Variants in RBFOX1 observed in about 807,000 individuals in gnomAD.
RBFOX1 encodes RNA binding protein fox-1 homolog 1.
A neutral mutation model predicts 57.7 loss-of-function variants in RBFOX1; 8 were observed. That is an observed-to-expected ratio of 0.14 (90% CI 0.08 to 0.25). The LOEUF (loss-of-function observed/expected upper bound fraction) is 0.25, where lower values mean the gene tolerates loss of function less well. Among genes scored for constraint, RBFOX1 ranks in the 10% least tolerant of loss-of-function variants. RBFOX1 has a pLI of 1.00. For missense variants in RBFOX1, 611 were observed against 548.5 expected, an observed-to-expected ratio of 1.11 and a Z score of -1.14; for synonymous variants, 326 against 222.4, an observed-to-expected ratio of 1.47 and a Z score of -4.15.
chr16:7,704,863 C>A (rs751463219), intron 14 of RBFOX1, among the ~76,000 whole-genome samples: 2 of 151,056 alleles, frequency 1.3e-5, no homozygotes, highest in Admixed American at 6.6e-5. Context: ...CCAGCCTGGG[C>A]AACATGGTGA....
chr16:6,992,702 C>T (rs1193687963), intron 3 of RBFOX1, among the ~76,000 whole-genome samples: 1 of 152,062 alleles, frequency 6.6e-6, no homozygotes, highest in Non-Finnish European at 1.5e-5. Context: ...CAGAAACCAG[C>T]TAATGATTTT....
intron 3 of RBFOX1, among the ~76,000 whole-genome samples, chr16:5,770,450 C>T (rs913498150): frequency 3.9e-5 from 6 of 152,068 alleles, no homozygotes; most frequent in Admixed American, 1.3e-4. Flanking sequence ...AGGAAGCTCC[C>T]CACCCCTTTT....
intron 3 of RBFOX1, among the ~76,000 whole-genome samples, chr16:5,679,773 G>C (rs1010304873): frequency 1.3e-5 from 2 of 152,174 alleles, no homozygotes; most frequent in Non-Finnish European, 2.9e-5. Flanking sequence ...TCTACCACAC[G>C]TTTTCTGGGT....
At chr16:5,323,384 G>A (rs1363908051) in intron 1 of RBFOX1, among the ~76,000 whole-genome samples, 3 of 152,170 alleles carry the variant, frequency 2.0e-5, no homozygotes, top group East Asian at 1.9e-4. Context: ...CATGACCCAT[G>A]AATGGGTCGT....
intron 4 of RBFOX1, among the ~76,000 whole-genome samples, chr16:5,973,553 T>C (rs906561031): frequency 6.6e-6 from 1 of 152,182 alleles, no homozygotes; most frequent in African/African-American, 2.4e-5. Flanking sequence ...TTTATTACTT[T>C]TGTTATTGTT....
chr16:7,363,224 C>G (rs911454597), intron 4 of RBFOX1, among the ~76,000 whole-genome samples: 6 of 152,124 alleles, frequency 3.9e-5, no homozygotes, highest in African/African-American at 1.2e-4. Flanking sequence ...TTCCTGGGGT[C>G]TGGGTTCTTT....
intron 3 of RBFOX1, among the ~76,000 whole-genome samples, chr16:5,825,263 A>G (rs777583556): frequency 2.6e-5 from 4 of 152,234 alleles, no homozygotes; most frequent in Non-Finnish European, 5.9e-5. Flanking sequence ...GGAAGGAATG[A>G]GCAGTACCAG....
At chr16:7,321,610 G>C (rs1218216037) in intron 4 of RBFOX1, among the ~76,000 whole-genome samples, 1 of 152,202 alleles carries the variant, frequency 6.6e-6, no homozygotes, top group Non-Finnish European at 1.5e-5. Flanking sequence ...TATGAAGATA[G>C]TCATAGGATT....
chr16:6,249,997 C>T (rs1004814548), intron 1 of RBFOX1, among the ~76,000 whole-genome samples: 10 of 151,946 alleles, frequency 6.6e-5, no homozygotes, highest in East Asian at 1.9e-4. Flanking sequence ...CTTGTAGGTG[C>T]GGTAGAAAGG....
intron 4 of RBFOX1, among the ~76,000 whole-genome samples, chr16:7,070,369 C>G (rs549305026): frequency 6.6e-6 from 1 of 152,304 alleles, no homozygotes; most frequent in Non-Finnish European, 1.5e-5. Flanking sequence ...GAAAACTTGT[C>G]TGCCTCAGAT....
At chr16:7,325,056 G>T (rs961946539) in intron 4 of RBFOX1, among the ~76,000 whole-genome samples, 1 of 152,190 alleles carries the variant, frequency 6.6e-6, no homozygotes, top group African/African-American at 2.4e-5. Flanking sequence ...GCATTTGTTA[G>T]CACGCTTTCA....
chr16:5,507,437 A>T (rs1483486844), intron 2 of RBFOX1, among the ~76,000 whole-genome samples: 1 of 152,026 alleles, frequency 6.6e-6, no homozygotes, highest in East Asian at 1.9e-4. Context: ...TGGTGCATGA[A>T]TGGGGGTTGG....
chr16:7,500,776 T>C (rs1274463605), intron 4 of RBFOX1, among the ~76,000 whole-genome samples: 5 of 152,194 alleles, frequency 3.3e-5, no homozygotes, highest in Non-Finnish European at 5.9e-5. Flanking sequence ...ACCTATCCCA[T>C]GATATGGTTT....
intron 4 of RBFOX1, among the ~76,000 whole-genome samples, chr16:7,361,788 T>C (rs980042373): frequency 1.3e-5 from 2 of 152,022 alleles, no homozygotes; most frequent in African/African-American, 4.8e-5. Context: ...GTGTGTATGT[T>C]TGTGTGTATG....
intron 3 of RBFOX1, among the ~76,000 whole-genome samples, chr16:6,909,236 G>T (rs1208737548): frequency 6.6e-6 from 1 of 152,124 alleles, no homozygotes; most frequent in East Asian, 1.9e-4. Context: ...CAGATTACAT[G>T]GCTCATGGCC....
intron 3 of RBFOX1, among the ~76,000 whole-genome samples, chr16:6,762,776 G>C (rs2076801979): frequency 1.3e-5 from 2 of 152,112 alleles, no homozygotes; most frequent in Non-Finnish European, 2.9e-5. Flanking sequence ...ATAGGGGGTA[G>C]TCAGGAAGAC....
chr16:6,267,074 A>G (rs550870936), intron 1 of RBFOX1, among the ~76,000 whole-genome samples: 1 of 152,304 alleles, frequency 6.6e-6, no homozygotes, highest in African/African-American at 2.4e-5. Context: ...CTATGGAAAC[A>G]TGGTGGTGTT....
chr16:5,252,510 G>A (rs1189934109), intron 1 of RBFOX1, among the ~76,000 whole-genome samples: 1 of 152,202 alleles, frequency 6.6e-6, no homozygotes, highest in Non-Finnish European at 1.5e-5. Flanking sequence ...CTCTCCAGGT[G>A]TCTGTAGGTG....
chr16:6,696,054 ATTG>A (rs939279284), intron 3 of RBFOX1, among the ~76,000 whole-genome samples: 5 of 152,236 alleles, frequency 3.3e-5, no homozygotes, highest in Admixed American at 1.3e-4. Context: ...GCTTGAGGCA[ATTG>A]TTGTATCTAG....
Sources: allele counts gnomAD v4.1 joint callset (sites outside exome capture counted in the v4.1 genomes callset), GRCh38; gene constraint gnomAD v4.1.1; transcripts MANE v1.5; gene names NCBI Gene and HGNC (gene_info 2026-07-23, HGNC 2026-07-21).